Variants in KAZN observed in about 807,000 individuals in gnomAD.
KAZN encodes kazrin.
A neutral mutation model predicts 87.4 loss-of-function variants in KAZN; 40 were observed. That is an observed-to-expected ratio of 0.46 (90% CI 0.36 to 0.60). KAZN has a LOEUF of 0.60. Among genes scored for constraint, KAZN ranks in the 20% least tolerant of loss-of-function variants. The probability of loss-of-function intolerance (pLI) is 0.00; values close to 1 mark genes in which losing one functional copy is unlikely to be tolerated. For missense variants in KAZN, 898 were observed against 1,073.9 expected (o/e 0.84, Z 2.29); for synonymous variants, 466 against 458.3 (o/e 1.02, Z -0.22).
At chr1:14,081,746 C>CTTG (rs71570180) in intron 1 of KAZN, among the ~76,000 whole-genome samples, 5 of 151,752 alleles carry the variant, frequency 3.3e-5, no homozygotes, top group Non-Finnish European at 7.4e-5. Context: ...GTCCCTTTTG[C>CTTG]TTTGTTTTGT....
At chr1:14,744,390 G>A (rs1644203309) in intron 1 of KAZN, among the ~76,000 whole-genome samples, 1 of 151,230 alleles carries the variant, frequency 6.6e-6, no homozygotes, top group African/African-American at 2.5e-5. Flanking sequence ...CCCTGATGGT[G>A]GTAGTTTTTT....
At chr1:14,864,292 C>T (rs149080128) in intron 1 of KAZN, among the ~76,000 whole-genome samples, 4,056 of 152,298 alleles carry the variant, frequency 0.027, 71 homozygotes, top group Non-Finnish European at 0.038. Context: ...GGGCCGGGCG[C>T]GGTGGCTCAC....
At chr1:14,324,842 A>C (rs1055911051) in intron 2 of KAZN, among the ~76,000 whole-genome samples, 4 of 152,222 alleles carry the variant, frequency 2.6e-5, no homozygotes, top group Non-Finnish European at 4.4e-5. Flanking sequence ...TTCTTTAAAT[A>C]ATTTGATATC....
intron 1 of KAZN, among the ~76,000 whole-genome samples, chr1:13,975,137 T>C (rs1486819736): frequency 1.3e-5 from 2 of 152,184 alleles, no homozygotes; most frequent in African/African-American, 4.8e-5. Context: ...GAGCCTACAG[T>C]AGGAAGACAG....
At chr1:14,020,934 CAA>C (rs138843457) in intron 1 of KAZN, among the ~76,000 whole-genome samples, 31,419 of 152,020 alleles carry the variant, frequency 0.21, 3,875 homozygotes, top group African/African-American at 0.33. Context: ...GGTTTCTTTT[CAA>C]AGTCTATAAA....
chr1:14,340,418 C>T (rs1657592218), intron 2 of KAZN, among the ~76,000 whole-genome samples: 1 of 152,226 alleles, frequency 6.6e-6, no homozygotes, highest in South Asian at 2.1e-4. Context: ...CTGGTAAAAG[C>T]AAGAGATTGA....
intron 8 of KAZN, among the ~76,000 whole-genome samples, chr1:15,083,312 A>T (rs889805578): frequency 6.6e-6 from 1 of 152,188 alleles, no homozygotes; most frequent in South Asian, 2.1e-4. Flanking sequence ...AAAGTAGTAC[A>T]TAGCAAAACC....
At chr1:14,897,651 A>G (rs1401302614) in intron 1 of KAZN, among the ~76,000 whole-genome samples, 1 of 152,108 alleles carries the variant, frequency 6.6e-6, no homozygotes, top group Non-Finnish European at 1.5e-5. Context: ...AAAGAGTGGC[A>G]TGCTTTTACA....
intron 1 of KAZN, among the ~76,000 whole-genome samples, chr1:14,911,681 C>A (rs543867423): frequency 2.0e-5 from 3 of 152,260 alleles, no homozygotes; most frequent in Non-Finnish European, 2.9e-5. Context: ...GTGCCCAGGG[C>A]CACAGGATGG....
At chr1:13,942,326 G>A (rs185460642) in intron 1 of KAZN, among the ~76,000 whole-genome samples, 10 of 151,402 alleles carry the variant, frequency 6.6e-5, no homozygotes, top group Non-Finnish European at 1.3e-4. Flanking sequence ...GGATCATGAG[G>A]TCAGGAGATC....
Position 15,094,670 on chromosome 1 carries a change from CA to C in KAZN, c.1429-144del. 1 of 655,818 alleles carries C rather than the reference CA, an allele frequency of 1.5e-6. No homozygotes were observed. The highest frequency in any genetic ancestry group is 4.2e-4 in the Middle Eastern group (1 of 2,368). 40.6% of individuals were successfully genotyped at this position (655,818 alleles called of 1,614,324 possible). On this transcript the variant is annotated intron_variant, in intron 9 of 14. Transcript: ENST00000376030. This position sits in a 1 kb window ranked among gnomAD's most constrained non-coding sequence, Gnocchi z 4.5. ...GGGATTCCGCCCCACATCAGAGTTG[CA>C]GAGGTTTCCATGTGCCCTGACCCCA...
At chr1:14,721,882 G>A (rs539827200) in intron 1 of KAZN, among the ~76,000 whole-genome samples, 14 of 152,270 alleles carry the variant, frequency 9.2e-5, no homozygotes, top group African/African-American at 3.1e-4. Flanking sequence ...GACCGGGTGC[G>A]GTGGCTCACA....
At position 14,135,013 on chromosome 1, in the gene KAZN, A is replaced by ACACACACACG. The variant is rs773956027; in HGVS notation, c.92-45422_92-45421insCACACACACG. Among the ~76,000 whole-genome samples the ACACACACACG allele has an allele frequency of 1.9e-3, 148 of 77,152 alleles. 2 individuals are homozygous for ACACACACACG. The highest frequency in any genetic ancestry group is 6.3e-3 in the African/African-American group (139 of 21,980). The allele number at this position is 77,152 out of a possible 152,430, so 50.6% of individuals were successfully genotyped here. A position where few individuals can be genotyped will look rare whatever the true frequency, so the allele number is the denominator to read the frequency against. Reference sequence around the variant, plus strand: ...CACACACACACACACATGTGCACACATGCACACATACACTCACACATTCAC... The same window carrying ACACACACACG: ...CACACACACACACACATGTGCACACACACACACACGTGCACACATACACTCACACATTCAC... On this transcript the variant is annotated intron_variant, in intron 1 of 16. Coordinates refer to the KAZN transcript ENST00000636203.
chr1:13,992,775 G>A (rs375669576), intron 1 of KAZN, among the ~76,000 whole-genome samples: 56 of 152,246 alleles, frequency 3.7e-4, no homozygotes, highest in African/African-American at 5.5e-4. Flanking sequence ...GTGGTCATCC[G>A]AGGGCTGCTT....
At position 15,081,842 on chromosome 1, in the gene KAZN, GTGGGTCACAGCAAGGACCT is replaced by G. The variant is rs1640019539; in HGVS notation, c.1223-12333_1223-12315del. Reference sequence around the variant, plus strand: ...AGGATGAAGCTGGCAAGGTCGGCCTGTGGGTCACAGCAAGGACCTTGGGCTTTACCAGGGAGCCATTGAA... The same window carrying G: ...AGGATGAAGCTGGCAAGGTCGGCCTGTGGGCTTTACCAGGGAGCCATTGAA... On this transcript the variant is annotated intron_variant, in intron 8 of 14. Transcript: ENST00000376030. The surrounding 1 kb of genome is among the most constrained non-coding windows in gnomAD (Gnocchi z 4.1). Among the ~76,000 whole-genome samples the G allele has an allele frequency of 6.6e-6, 1 of 152,154 alleles. No individual in the cohort carries two copies. The highest frequency in any genetic ancestry group is 1.5e-5 in the Non-Finnish European group (1 of 68,028).
At chr1:14,726,376 C>G (rs1246678152) in intron 1 of KAZN, among the ~76,000 whole-genome samples, 1 of 152,188 alleles carries the variant, frequency 6.6e-6, no homozygotes, top group Admixed American at 6.5e-5. Context: ...TCCCTGTTCC[C>G]CACCAGAAGG....
At chr1:14,574,412 GA>G (rs1425047577) in intron 2 of KAZN, among the ~76,000 whole-genome samples, 5 of 152,182 alleles carry the variant, frequency 3.3e-5, no homozygotes, top group African/African-American at 1.2e-4. Flanking sequence ...GGACCCAGTG[GA>G]AGATAATAGA....
At chr1:14,143,445 A>C (rs1645282649) in intron 1 of KAZN, among the ~76,000 whole-genome samples, 1 of 152,108 alleles carries the variant, frequency 6.6e-6, no homozygotes. Context: ...TTTATATGTC[A>C]ACTTTAGATT....
intron 2 of KAZN, among the ~76,000 whole-genome samples, chr1:14,275,333 C>G (rs1652261332): frequency 6.6e-6 from 1 of 152,126 alleles, no homozygotes; most frequent in Non-Finnish European, 1.5e-5. Context: ...TGGCCCCATT[C>G]CCAGACCTAT....
Sources: allele counts gnomAD v4.1 joint callset (sites outside exome capture counted in the v4.1 genomes callset), GRCh38; gene constraint gnomAD v4.1.1; non-coding constraint Gnocchi (gnomAD v3.1); transcripts MANE v1.5; gene names NCBI Gene and HGNC (gene_info 2026-07-23, HGNC 2026-07-21).